FHIT: variants seen among roughly 807,000 people sequenced by gnomAD.
The protein encoded by FHIT is fragile histidine triad diadenosine triphosphatase, also known as bis(5'-adenosyl)-triphosphatase.
FHIT carries 19 observed loss-of-function variants against 17.9 expected under a neutral mutation model. That is an observed-to-expected ratio of 1.06 (90% CI 0.74 to 1.56). FHIT has a LOEUF of 1.56. FHIT is among the 40% of genes most tolerant of loss of function. FHIT has a pLI of 0.00. For missense variants in FHIT, 248 were observed against 189.2 expected (o/e 1.31, Z -1.82); for synonymous variants, 81 against 69.7 (o/e 1.16, Z -0.81).
At chr3:60,695,374 C>T (rs879964540) in intron 4 of FHIT, among the ~76,000 whole-genome samples, 5 of 151,972 alleles carry the variant, frequency 3.3e-5, no homozygotes, top group Admixed American at 6.6e-5. Flanking sequence ...CCAGCCTGGG[C>T]GACAGAGTGA....
chr3:61,222,382 C>T (rs559189215), intron 1 of FHIT, among the ~76,000 whole-genome samples: 32 of 152,318 alleles, frequency 2.1e-4, no homozygotes, highest in African/African-American at 7.0e-4. Context: ...GCCATGCTCA[C>T]AGCAAGTATT....
At chr3:60,936,018 CTGTTGTGGCCCTTG>C (rs1324518999) in intron 3 of FHIT, among the ~76,000 whole-genome samples, 1 of 152,154 alleles carries the variant, frequency 6.6e-6, no homozygotes, top group Non-Finnish European at 1.5e-5. Flanking sequence ...AAACTTTTTT[CTGTTGTGGCCCTTG>C]TAGGTGAACT....
chr3:60,144,275 T>C (rs1700149080), intron 5 of FHIT, among the ~76,000 whole-genome samples: 3 of 152,208 alleles, frequency 2.0e-5, no homozygotes, highest in Admixed American at 6.5e-5. Flanking sequence ...ACAACAGTAA[T>C]AGCTGAATCC....
intron 5 of FHIT, among the ~76,000 whole-genome samples, chr3:60,248,195 C>A (rs1473035041): frequency 1.3e-5 from 2 of 152,112 alleles, no homozygotes; most frequent in Non-Finnish European, 2.9e-5. Context: ...AGTTCAAAAT[C>A]CACTCCCTAG....
At chr3:61,040,617 G>A (rs957015423) in intron 3 of FHIT, among the ~76,000 whole-genome samples, 7 of 145,230 alleles carry the variant, frequency 4.8e-5, no homozygotes, top group African/African-American at 1.8e-4. Context: ...TCTTTAACTT[G>A]ATGAAGGGAT....
At chr3:60,978,438 A>G (rs1710354960) in intron 3 of FHIT, among the ~76,000 whole-genome samples, 3 of 152,206 alleles carry the variant, frequency 2.0e-5, no homozygotes. Context: ...GCAGTGGCCT[A>G]TCCTGGGCCT....
intron 5 of FHIT, among the ~76,000 whole-genome samples, chr3:60,293,853 A>G (rs1248634800): frequency 1.3e-5 from 2 of 152,146 alleles, no homozygotes; most frequent in Non-Finnish European, 1.5e-5. Flanking sequence ...ATTAAGTCCT[A>G]TTTTGAGCTA....
intron 1 of FHIT, among the ~76,000 whole-genome samples, chr3:61,248,187 A>G (rs977835767): frequency 5.3e-5 from 8 of 152,332 alleles, no homozygotes; most frequent in Admixed American, 3.9e-4. Flanking sequence ...AACAGATTCA[A>G]TGAAGAGATG....
intron 4 of FHIT, among the ~76,000 whole-genome samples, chr3:60,589,024 G>A (rs374230205): frequency 6.6e-6 from 1 of 152,012 alleles, no homozygotes; most frequent in East Asian, 1.9e-4. Context: ...AAGACTCCTC[G>A]TTGGAGCCTA....
At chr3:60,381,407 A>G (rs2736828) in intron 5 of FHIT, among the ~76,000 whole-genome samples, 97,685 of 151,608 alleles carry the variant, frequency 0.64, 31,457 homozygotes, top group East Asian at 0.69. Flanking sequence ...GAACCTGGGA[A>G]GTGGAGATTG....
At chr3:60,190,621 G>C (rs566789357) in intron 5 of FHIT, among the ~76,000 whole-genome samples, 3 of 151,890 alleles carry the variant, frequency 2.0e-5, no homozygotes, top group Non-Finnish European at 4.4e-5. Flanking sequence ...GTTGTGGGGT[G>C]GGGGAGCAGG....
At chr3:61,149,485 T>C (rs1046874016) in intron 2 of FHIT, among the ~76,000 whole-genome samples, 1 of 152,098 alleles carries the variant, frequency 6.6e-6, no homozygotes, top group Non-Finnish European at 1.5e-5. Context: ...AATATCCACC[T>C]GTTGACTGAA....
At chr3:60,774,283 T>C (rs188731922) in intron 4 of FHIT, among the ~76,000 whole-genome samples, 1 of 152,278 alleles carries the variant, frequency 6.6e-6, no homozygotes, top group African/African-American at 2.4e-5. Context: ...TATATATACA[T>C]ATTTATGATA....
At chr3:60,042,826 T>C (rs1313079390) in intron 5 of FHIT, among the ~76,000 whole-genome samples, 1 of 152,098 alleles carries the variant, frequency 6.6e-6, no homozygotes, top group Non-Finnish European at 1.5e-5. Context: ...ATAAAAACTT[T>C]AAAAGCTAGT....
intron 5 of FHIT, among the ~76,000 whole-genome samples, chr3:60,098,174 A>T (rs1704042467): frequency 7.4e-6 from 1 of 135,326 alleles, no homozygotes. Context: ...CGCAATAAAC[A>T]TACGTGTGCA....
At chr3:61,070,137 A>T (rs1575957576) in intron 2 of FHIT, among the ~76,000 whole-genome samples, 1 of 151,934 alleles carries the variant, frequency 6.6e-6, no homozygotes, top group South Asian at 2.1e-4. Flanking sequence ...CAAATGATCC[A>T]CTCAACTCGG....
intron 5 of FHIT, among the ~76,000 whole-genome samples, chr3:60,398,848 C>A (rs1379384708): frequency 1.3e-5 from 2 of 149,896 alleles, no homozygotes; most frequent in African/African-American, 4.9e-5. Context: ...GAAAAACTGA[C>A]AAACTCTGGA....
chr3:60,394,541 T>G (rs1157324603), intron 5 of FHIT, among the ~76,000 whole-genome samples: 1 of 152,030 alleles, frequency 6.6e-6, no homozygotes, highest in Non-Finnish European at 1.5e-5. Context: ...TGGAGAGCCA[T>G]GGTTAAGGAC....
intron 5 of FHIT, among the ~76,000 whole-genome samples, chr3:60,032,783 A>C (rs924124227): frequency 1.3e-5 from 2 of 148,196 alleles, no homozygotes; most frequent in African/African-American, 5.0e-5. Flanking sequence ...TGTTTACACT[A>C]TGCAACACAG....
Sources: allele counts gnomAD v4.1 joint callset (sites outside exome capture counted in the v4.1 genomes callset), GRCh38; gene constraint gnomAD v4.1.1; transcripts MANE v1.5; gene names NCBI Gene and HGNC (gene_info 2026-07-23, HGNC 2026-07-21).